Variants in CLYBL observed in about 807,000 individuals in gnomAD.
CLYBL encodes citramalyl-CoA lyase, mitochondrial.
Under a neutral mutation model 38.9 loss-of-function variants are expected in CLYBL, and 31 were observed. That is an observed-to-expected ratio of 0.80 (90% CI 0.60 to 1.08). The LOEUF (loss-of-function observed/expected upper bound fraction) is 1.08. Among genes scored for constraint, CLYBL ranks in the 50% least tolerant of loss-of-function variants. The pLI, the probability that CLYBL is intolerant of heterozygous loss-of-function variation, is 0.00. For missense variants in CLYBL, 434 were observed against 411.6 expected, an observed-to-expected ratio of 1.05 and a Z score of -0.47; for synonymous variants, 171 against 158.6, an observed-to-expected ratio of 1.08 and a Z score of -0.59.
intron 2 of CLYBL, among the ~76,000 whole-genome samples, chr13:99,812,852 A>C (rs1374407121): frequency 6.6e-6 from 1 of 152,196 alleles, no homozygotes; most frequent in Non-Finnish European, 1.5e-5. Context: ...AAGTGGGGCC[A>C]AGGGGGGGCC....
intron 1 of CLYBL, among the ~76,000 whole-genome samples, chr13:99,633,824 A>G (rs1020250206): frequency 3.3e-5 from 5 of 152,218 alleles, no homozygotes; most frequent in Non-Finnish European, 7.3e-5. Flanking sequence ...AAATAGATCA[A>G]TCGTATGTAC....
At chr13:99,782,931 T>G (rs1056767951) in intron 2 of CLYBL, among the ~76,000 whole-genome samples, 3 of 146,168 alleles carry the variant, frequency 2.1e-5, no homozygotes, top group African/African-American at 7.3e-5. Context: ...CTTGTTTCTC[T>G]GTGTTACATT....
At chr13:99,612,674 C>T (rs964501233) in intron 1 of CLYBL, among the ~76,000 whole-genome samples, 2 of 151,956 alleles carry the variant, frequency 1.3e-5, no homozygotes, top group Non-Finnish European at 2.9e-5. Context: ...GGATGTGAGC[C>T]GCCACACCCA....
chr13:99,864,544 TAACTC>T (rs2051691329), intron 4 of CLYBL, among the ~76,000 whole-genome samples: 1 of 152,236 alleles, frequency 6.6e-6, no homozygotes, highest in African/African-American at 2.4e-5. Flanking sequence ...CAAAATGAGT[TAACTC>T]AAAGTTTCTC....
intron 7 of CLYBL, among the ~76,000 whole-genome samples, chr13:99,882,953 A>G (rs963729556): frequency 6.6e-6 from 1 of 151,846 alleles, no homozygotes; most frequent in Non-Finnish European, 1.5e-5. Context: ...ACTCGGAAGT[A>G]GGGCTGGGCC....
At chr13:99,743,018 G>GTTTGGGTTCGGGTTTTTTTCTTTTTC in intron 1 of CLYBL, among the ~76,000 whole-genome samples, 1 of 147,832 alleles carries the variant, frequency 6.8e-6, no homozygotes, top group East Asian at 2.0e-4. Flanking sequence ...CGGGCTTTTT[G>GTTTGGGTTCGGGTTTTTTTCTTTTTC]TTTGGGTTCG....
intron 1 of CLYBL, among the ~76,000 whole-genome samples, chr13:99,649,563 G>C (rs2047221560): frequency 6.6e-6 from 1 of 152,216 alleles, no homozygotes; most frequent in African/African-American, 2.4e-5. Context: ...GAGGACTTAT[G>C]TGTTAAATGT....
intron 1 of CLYBL, among the ~76,000 whole-genome samples, chr13:99,691,749 A>G (rs1433370330): frequency 6.6e-6 from 1 of 152,216 alleles, no homozygotes; most frequent in Non-Finnish European, 1.5e-5. Flanking sequence ...CTTCTTCCGC[A>G]GTCACCTGGC....
At chr13:99,797,313 A>G (rs997480126) in intron 2 of CLYBL, among the ~76,000 whole-genome samples, 2 of 152,196 alleles carry the variant, frequency 1.3e-5, no homozygotes, top group African/African-American at 4.8e-5. Context: ...TTTAAGATTT[A>G]AGATCTTATA....
chr13:99,624,072 C>T (rs1271214882), intron 1 of CLYBL, among the ~76,000 whole-genome samples: 1 of 149,056 alleles, frequency 6.7e-6, no homozygotes. Flanking sequence ...CAGATAGATA[C>T]CTAAAGGCCA....
chr13:99,636,989 C>T (rs914746075), intron 1 of CLYBL, among the ~76,000 whole-genome samples: 2 of 152,160 alleles, frequency 1.3e-5, no homozygotes, highest in South Asian at 2.1e-4. Context: ...AAGCAATTCT[C>T]ATTTCTCAGC....
At chr13:99,780,776 C>G (rs868792040) in intron 2 of CLYBL, among the ~76,000 whole-genome samples, 5 of 143,208 alleles carry the variant, frequency 3.5e-5, no homozygotes, top group African/African-American at 1.0e-4. Flanking sequence ...TGCAATGGCA[C>G]GATCTTGGCT....
At chr13:99,830,067 CTCTCCCCCCGGCA>C (rs1198959913) in intron 2 of CLYBL, among the ~76,000 whole-genome samples, 1 of 152,108 alleles carries the variant, frequency 6.6e-6, no homozygotes, top group Non-Finnish European at 1.5e-5. Flanking sequence ...CAAGTCCTGG[CTCTCCCCCCGGCA>C]TCAGAGTGAC....
chr13:99,625,398 T>C (rs1257435735), intron 1 of CLYBL, among the ~76,000 whole-genome samples: 2 of 152,210 alleles, frequency 1.3e-5, no homozygotes, highest in Non-Finnish European at 2.9e-5. Flanking sequence ...AGCCCAGGGT[T>C]CGGCCAAGGA....
intron 1 of CLYBL, among the ~76,000 whole-genome samples, chr13:99,767,942 G>A (rs529403009): frequency 2.0e-5 from 3 of 152,124 alleles, no homozygotes; most frequent in South Asian, 4.2e-4. Flanking sequence ...TTCAGGGACC[G>A]TTTCTGTTGA....
intron 2 of CLYBL, among the ~76,000 whole-genome samples, chr13:99,848,617 C>T (rs1049874626): frequency 1.3e-5 from 2 of 152,236 alleles, no homozygotes; most frequent in Non-Finnish European, 2.9e-5. Flanking sequence ...CCTCTGGATC[C>T]TTCTGCCACC....
chr13:99,897,437 C>A (rs1241938478), downstream of CLYBL, among the ~76,000 whole-genome samples: 3 of 152,198 alleles, frequency 2.0e-5, no homozygotes, highest in Non-Finnish European at 4.4e-5. Context: ...CGAGAACAAA[C>A]CCATTCTGGA....
intron 2 of CLYBL, among the ~76,000 whole-genome samples, chr13:99,838,452 C>T (rs543281044): frequency 2.6e-4 from 40 of 152,166 alleles, no homozygotes; most frequent in South Asian, 1.0e-3. Flanking sequence ...ACTGAGGCCC[C>T]GATGCCTACA....
chr13:99,757,751 G>A (rs969395327), intron 1 of CLYBL, among the ~76,000 whole-genome samples: 1 of 152,166 alleles, frequency 6.6e-6, no homozygotes, highest in South Asian at 2.1e-4. Flanking sequence ...GAACCACTGC[G>A]CCTGGCCACC....
Sources: allele counts gnomAD v4.1 joint callset (sites outside exome capture counted in the v4.1 genomes callset), GRCh38; gene constraint gnomAD v4.1.1; transcripts MANE v1.5; gene names NCBI Gene and HGNC (gene_info 2026-07-23, HGNC 2026-07-21).